Variants in LDB2 observed in about 807,000 individuals in gnomAD.
LDB2 encodes LIM domain binding 2.
LDB2 carries 12 observed loss-of-function variants against 44.3 expected under a neutral mutation model. That is an observed-to-expected ratio of 0.27 (90% confidence interval 0.17 to 0.44). The LOEUF (loss-of-function observed/expected upper bound fraction) is 0.44. Ranked by LOEUF, LDB2 falls within the 20% of genes least tolerant of loss-of-function variation. LDB2 has a pLI of 1.00. For missense variants in LDB2, 344 were observed against 473.5 expected (o/e 0.73, Z 2.54); for synonymous variants, 164 against 174.8 (o/e 0.94, Z 0.49).
chr4:16,754,008 T>A (rs1765987452), intron 2 of LDB2, among the ~76,000 whole-genome samples: 1 of 152,132 alleles, frequency 6.6e-6, no homozygotes, highest in Admixed American at 6.5e-5. Context: ...TAGAAAAGAA[T>A]TAGGTTTTTC....
At chr4:16,678,781 AG>A (rs1225485967) in intron 2 of LDB2, among the ~76,000 whole-genome samples, 4 of 152,210 alleles carry the variant, frequency 2.6e-5, no homozygotes, top group African/African-American at 9.6e-5. Context: ...AGCTCATGAC[AG>A]GGTGAGAAAA....
intron 2 of LDB2, among the ~76,000 whole-genome samples, chr4:16,676,649 C>T (rs565447835): frequency 6.6e-6 from 1 of 152,214 alleles, no homozygotes; most frequent in African/African-American, 2.4e-5. Flanking sequence ...TCATCTCTAC[C>T]TTTGAGAAAA....
intron 2 of LDB2, among the ~76,000 whole-genome samples, chr4:16,711,818 T>C (rs988210745): frequency 1.3e-5 from 2 of 152,190 alleles, no homozygotes; most frequent in East Asian, 1.9e-4. Context: ...TAGACAAAGG[T>C]GTCAAGACAA....
chr4:16,550,253 A>T (rs928212872), intron 5 of LDB2, among the ~76,000 whole-genome samples: 5 of 152,212 alleles, frequency 3.3e-5, no homozygotes, highest in African/African-American at 1.2e-4. Context: ...GTCCTACTAG[A>T]ATTAATCTCC....
chr4:16,698,142 T>G (rs1222596660), intron 2 of LDB2, among the ~76,000 whole-genome samples: 2 of 152,218 alleles, frequency 1.3e-5, no homozygotes, highest in Non-Finnish European at 2.9e-5. Context: ...CCCTTTGCCT[T>G]GTACAGTTTA....
chr4:16,555,665 C>G (rs1739311925), intron 5 of LDB2, among the ~76,000 whole-genome samples: 1 of 152,184 alleles, frequency 6.6e-6, no homozygotes, highest in African/African-American at 2.4e-5. Flanking sequence ...TTGTTCCTTT[C>G]CTCTGCCTGG....
intron 1 of LDB2, among the ~76,000 whole-genome samples, chr4:16,791,429 C>A (rs970306228): frequency 6.6e-5 from 10 of 151,884 alleles, no homozygotes; most frequent in Non-Finnish European, 1.5e-4. Flanking sequence ...GTCGTGAGCA[C>A]CTGTAATCCC....
At chr4:16,821,571 A>G (rs1025837315) in intron 1 of LDB2, among the ~76,000 whole-genome samples, 1 of 147,768 alleles carries the variant, frequency 6.8e-6, no homozygotes, top group Non-Finnish European at 1.5e-5. Flanking sequence ...TTGTATTTTT[A>G]GTAGAGACGA....
chr4:16,585,502 A>G (rs959694990), intron 5 of LDB2, among the ~76,000 whole-genome samples: 1 of 152,126 alleles, frequency 6.6e-6, no homozygotes, highest in Non-Finnish European at 1.5e-5. Flanking sequence ...TCAGCACGGG[A>G]TTGGATTTCT....
chr4:16,772,099 A>G (rs1770843222), intron 1 of LDB2, among the ~76,000 whole-genome samples: 1 of 152,148 alleles, frequency 6.6e-6, no homozygotes, highest in African/African-American at 2.4e-5. Flanking sequence ...CCTTTGAACC[A>G]GCTGCGTCCA....
chr4:16,843,174 T>A (rs1580156634), intron 1 of LDB2, among the ~76,000 whole-genome samples: 1 of 152,208 alleles, frequency 6.6e-6, no homozygotes, highest in East Asian at 1.9e-4. Context: ...AATGTCTATA[T>A]CCAGTGAATT....
At chr4:16,739,618 ACATGTG>A (rs1486870684) in intron 2 of LDB2, among the ~76,000 whole-genome samples, 28 of 74,116 alleles carry the variant, frequency 3.8e-4, no homozygotes, top group East Asian at 1.6e-3. Flanking sequence ...ATGTATATAT[ACATGTG>A]TGTGTATATA....
intron 1 of LDB2, among the ~76,000 whole-genome samples, chr4:16,800,005 T>TTATA (rs1160209720): frequency 6.6e-6 from 1 of 152,196 alleles, no homozygotes; most frequent in African/African-American, 2.4e-5. Context: ...TCAAATGGTA[T>TTATA]TATATACCGA....
At chr4:16,505,430 C>G (rs1719000707) in intron 7 of LDB2, among the ~76,000 whole-genome samples, 1 of 151,950 alleles carries the variant, frequency 6.6e-6, no homozygotes. Context: ...GCTTCATATG[C>G]ACATAGACAG....
At chr4:16,620,555 G>A (rs1325445547) in intron 2 of LDB2, among the ~76,000 whole-genome samples, 1 of 152,220 alleles carries the variant, frequency 6.6e-6, no homozygotes, top group Non-Finnish European at 1.5e-5. Flanking sequence ...TCCCATTAAG[G>A]TGATACTTCT....
intron 1 of LDB2, among the ~76,000 whole-genome samples, chr4:16,821,770 A>AAAAAAAAAAAAAAAG (rs71181190): frequency 7.4e-6 from 1 of 136,042 alleles, no homozygotes; most frequent in Non-Finnish European, 1.6e-5. Context: ...AAAAAAAAAA[A>AAAAAAAAAAAAAAAG]TCAGGAATTT....
intron 1 of LDB2, among the ~76,000 whole-genome samples, chr4:16,798,143 G>A (rs558143498): frequency 6.6e-6 from 1 of 152,082 alleles, no homozygotes; most frequent in South Asian, 2.1e-4. Context: ...TTAGTTCACA[G>A]GGTTATTGTG....
intron 5 of LDB2, among the ~76,000 whole-genome samples, chr4:16,573,096 A>T (rs569723032): frequency 6.6e-6 from 1 of 152,338 alleles, no homozygotes; most frequent in South Asian, 2.1e-4. Context: ...GCCTGAGCCC[A>T]GGAAAACGTT....
At chr4:16,822,427 C>T (rs1782278846) in intron 1 of LDB2, among the ~76,000 whole-genome samples, 1 of 152,096 alleles carries the variant, frequency 6.6e-6, no homozygotes. Flanking sequence ...TTTTTTAGGT[C>T]TGAGTTTAAA....
Sources: allele counts gnomAD v4.1 joint callset (sites outside exome capture counted in the v4.1 genomes callset), GRCh38; gene constraint gnomAD v4.1.1; transcripts MANE v1.5; gene names NCBI Gene and HGNC (gene_info 2026-07-23, HGNC 2026-07-21).